MYH1: variants seen among roughly 807,000 people sequenced by gnomAD.
The protein encoded by MYH1 is myosin heavy chain 1, also known as myosin-1.
A neutral mutation model predicts 225.6 loss-of-function variants in MYH1; 214 were observed. That is an observed-to-expected ratio of 0.95 (90% CI 0.85 to 1.06). The LOEUF is 1.06. MYH1 is among the 50% of genes least tolerant of loss of function. The pLI is 0.00. For missense variants in MYH1, 2,098 were observed against 2,344.2 expected, an observed-to-expected ratio of 0.89 and a Z score of 2.17; for synonymous variants, 774 against 842.3, an observed-to-expected ratio of 0.92 and a Z score of 1.40.
chr17:10,495,972 C>T lies in MYH1; in HGVS notation c.5147G>A (p.Arg1716His), dbSNP rs192471819. ...CACCTGGGTGTGCAGGAGCTGAACA[C>T]GCTCACTGGCATCCAGGAGCTCCTG... is the stretch of plus-strand genomic sequence containing the variant. ...AEQELLDASERVQLLHTQNTS... is the reference protein window; with the variant it reads ...AEQELLDASEHVQLLHTQNTS... The change falls in exon 35 of 40, where the codon CGT (arginine) becomes CAT (histidine). Residue 1716 changes from arginine (R) to histidine (H), a missense_variant. Physicochemically the swap from Arg to His is conservative, Grantham distance 29. Coordinates refer to ENST00000226207, the MANE Select transcript of MYH1 (RefSeq NM_005963.4). 118 of 1,614,030 alleles carry T rather than the reference C, an allele frequency of 7.3e-5. 2 individuals are homozygous for T. In the Admixed American group the frequency reaches 1.7e-3, roughly 23 times the overall value.
intron 5 of MYH1, 136 bp downstream of exon 5, chr17:10,515,790 C>T: frequency 1.4e-6 from 2 of 1,442,366 alleles, no homozygotes; most frequent in Non-Finnish European, 1.9e-6. Context: ...GTATATACTT[C>T]TCTGTGCTTT....
Position 10,501,498 on chromosome 17 carries a change from G to A in MYH1, c.3350C>T (p.Ala1117Val), listed in dbSNP as rs1197892344. ...QLQKKIKELQ[A>V]RIEELEEEIE... is the part of the protein sequence containing the mutation. ...TTCCTCCTCCAGCTCCTCAATGCGG[G>A]CCTGGGAATGGTGAAAAATATTAAT... The change falls in exon 27 of 40, where the codon GCC (alanine) becomes GTC (valine). Residue 1117 changes from alanine (A) to valine (V), a missense_variant and splice_region_variant. By Grantham distance (64) the Ala-to-Val change is moderately conservative. Transcript: ENST00000226207. The A allele has an allele frequency of 1.9e-6, 3 of 1,614,206 alleles. No homozygotes were observed. The highest frequency in any genetic ancestry group is 2.2e-5 in the South Asian group (2 of 91,080).
chr17:10,501,254 C>G lies in MYH1; in HGVS notation c.3594G>C (p.Lys1198Asn). 1 of 1,614,230 alleles carries G rather than the reference C, an allele frequency of 6.2e-7. No homozygotes were observed. ...GCTCGGCCACACTATCTGCATGCTT[C>G]TTCCTCAGGGTGGCCGCCGTGGCTT... ...QHEATAATLR[K>N]KHADSVAELG... The change falls in exon 27 of 40, where the codon AAG (lysine) becomes AAC (asparagine). Residue 1198 changes from lysine (K) to asparagine (N), a missense_variant. By Grantham distance (94) the Lys-to-Asn change is moderately conservative. Coordinates refer to ENST00000226207, the MANE Select transcript of MYH1 (RefSeq NM_005963.4).
At chr17:10,498,162 T>C (rs1430017359) in intron 30 of MYH1, among the ~76,000 whole-genome samples, 1 of 152,274 alleles carries the variant, frequency 6.6e-6, no homozygotes, top group Non-Finnish European at 1.5e-5. Context: ...AAGCATGAGC[T>C]AACACTTTAC....
At chr17:10,516,365 C>T (rs879187406) in intron 3 of MYH1, 23 bp from the exon 4 acceptor site, 1 of 1,614,078 alleles carries the variant, frequency 6.2e-7, no homozygotes, top group Non-Finnish European at 8.5e-7. Context: ...ACAAGAGAGG[C>T]CAGATCAAAA....
At chr17:10,496,203 C>T (rs186198269) in intron 34 of MYH1, 38 bp downstream of exon 34, 4 of 1,614,114 alleles carry the variant, frequency 2.5e-6, no homozygotes, top group Non-Finnish European at 3.4e-6. Context: ...GTTGCAGGCA[C>T]CCCAATTGTC....
chr17:10,516,894 T>C (rs1279764658), intron 2 of MYH1, among the ~76,000 whole-genome samples: 1 of 152,214 alleles, frequency 6.6e-6, no homozygotes, highest in African/African-American at 2.4e-5. Context: ...AAAGAGACTG[T>C]TGTTTCTGGC....
In MYH1 at chr17:10,497,108, T is replaced by C; in HGVS notation, c.4617A>G (p.Gln1539=). ...ELEKIKKQVE[Q]EKSELQAALE... The stretch of plus-strand genomic sequence containing the variant: ...AGGCAGCCTGAAGTTCAGACTTTTC[T>C]TGCTCAACTTGCTTCTTTATTTTTT... Residue 1539 remains glutamine, a synonymous_variant, in exon 33 of 40, where the codon CAA becomes CAG. Transcript: ENST00000226207. 1 of 1,614,144 alleles carries C rather than the reference T, an allele frequency of 6.2e-7. No individual in the cohort carries two copies. The highest frequency in any genetic ancestry group is 1.1e-5 in the South Asian group (1 of 91,068).
chr17:10,492,619 T>G, intron 39 of MYH1, 51 bp from the exon 40 acceptor site: 2 of 1,549,902 alleles, frequency 1.3e-6, no homozygotes, highest in Non-Finnish European at 1.7e-6. Context: ...ATTTTTCCAT[T>G]CTTAGGTCAG....
intron 19 of MYH1, 71 bp from the exon 20 acceptor site, chr17:10,505,582 A>G (rs1340131066): frequency 3.2e-6 from 5 of 1,556,452 alleles, no homozygotes; most frequent in South Asian, 1.2e-5. Flanking sequence ...TGGCTATAGA[A>G]ACAACATAGC....
intron 35 of MYH1, 27 bp from the exon 36 acceptor site, chr17:10,495,344 A>G: frequency 6.2e-7 from 1 of 1,613,584 alleles, no homozygotes; most frequent in South Asian, 1.1e-5. Flanking sequence ...ATTTAGAAAT[A>G]TTAGGCACAT....
intron 20 of MYH1, 30 bp downstream of exon 20, chr17:10,505,358 T>C (rs1308511534): frequency 3.1e-6 from 5 of 1,614,100 alleles, no homozygotes; most frequent in Non-Finnish European, 4.2e-6. Flanking sequence ...GGGACAGGAA[T>C]AGCATCAGGT....
intron 15 of MYH1, 118 bp from the exon 16 acceptor site, chr17:10,508,790 G>A (rs948459201): frequency 1.6e-5 from 23 of 1,401,426 alleles, no homozygotes; most frequent in African/African-American, 7.2e-5. Context: ...CAGAGTTAAC[G>A]AAAACTCGTT....
In MYH1 at chr17:10,494,460, G is replaced by A. The variant is rs2072966515; in HGVS notation, c.5572-11C>T. ...GCGGTCTTCCTCAGTCTGAAATAAT[G>A]TTTTCAAGAGTAAGTTTCTTGAAAG... is the stretch of plus-strand genomic sequence containing the variant. On this transcript the variant is annotated splice_polypyrimidine_tract_variant and intron_variant, in intron 38 of 39. Coordinates refer to ENST00000226207, the MANE Select transcript of MYH1 (RefSeq NM_005963.4). 1 of 1,611,992 alleles carries A rather than the reference G, an allele frequency of 6.2e-7. No homozygotes were observed. The highest frequency in any genetic ancestry group is 8.5e-7 in the Non-Finnish European group (1 of 1,179,340).
chr17:10,516,367 A>G (rs1304000099), intron 3 of MYH1, 25 bp from the exon 4 acceptor site: 1 of 1,614,184 alleles, frequency 6.2e-7, no homozygotes, highest in East Asian at 2.2e-5. Flanking sequence ...AAGAGAGGCC[A>G]GATCAAAAAG....
chr17:10,512,219 A>C (rs1310248594), intron 12 of MYH1, 27 bp from the exon 13 acceptor site: 1 of 1,605,230 alleles, frequency 6.2e-7, no homozygotes, highest in African/African-American at 1.3e-5. Flanking sequence ...CAGATACCTA[A>C]TATGACTTAC....
Position 10,514,117 on chromosome 17 carries a change from A to T in MYH1, c.541T>A (p.Ser181Thr), listed in dbSNP as rs758617436. The T allele has an allele frequency of 2.5e-6, 4 of 1,614,136 alleles. No homozygotes were observed. The East Asian group carries it at 8.9e-5, about 36-fold the overall frequency. Residue 181 changes from serine to threonine, a missense_variant, in exon 7 of 40, where the codon TCT (serine) becomes ACT (threonine). Ser to Thr is a moderately conservative substitution (Grantham distance 58). Coordinates refer to ENST00000226207, the MANE Select transcript of MYH1 (RefSeq NM_005963.4). ...ENQSILITGE[S>T]GAGKTVNTKR... ...GTGTTCACAGTCTTCCCTGCGCCAG[A>T]TTCTCCGCTGTCAAAGACCAAACGT...
rs150346984 is a variant in MYH1 at position 10,507,936 on chromosome 17, C to T, written c.1918G>A (p.Gly640Ser). The change falls in exon 17 of 40, where the codon GGT becomes AGT. Residue 640 changes from glycine to serine, a missense_variant. Physicochemically the swap from Gly to Ser is moderately conservative, Grantham distance 56. Coordinates refer to ENST00000226207, the MANE Select transcript of MYH1 (RefSeq NM_005963.4). ...AEAEAGGGKK[G>S]GKKKGSSFQT... Reference sequence around the variant, plus strand: ...AAAGAAGAACCCTTCTTCTTACCACCTTTCTTTCCACCGCCAGCCTCTGAG... The same window carrying T: ...AAAGAAGAACCCTTCTTCTTACCACTTTTCTTTCCACCGCCAGCCTCTGAG... 5.1e-3 allele frequency: 8,226 copies of T among 1,613,578 alleles called. 42 individuals carry two copies. Among genetic ancestry groups the T allele is most frequent in the Non-Finnish European group, 6.1e-3 (7,145 of 1,179,726 alleles).
chr17:10,501,623 G>A lies in MYH1; in HGVS notation c.3319C>T (p.Gln1107Ter). 4 of 1,614,202 alleles carry A rather than the reference G, an allele frequency of 2.5e-6. No individual in the cohort carries two copies. The highest frequency in any genetic ancestry group is 3.4e-6 in the Non-Finnish European group (4 of 1,180,030). Residue 1107 changes from glutamine to a stop codon, truncating the protein, a stop_gained, in exon 26 of 40, where the codon CAG (glutamine) becomes TAG (stop). Coordinates refer to ENST00000226207, the MANE Select transcript of MYH1 (RefSeq NM_005963.4). LOFTEE classifies it high-confidence loss of function. ...AACTCCTTGATTTTCTTCTGCAGCT[G>A]CATACCAAGGGCTTGTTCATCTTCA... Reference protein sequence around the residue: ...KIEDEQALGMQLQKKIKELQA... With the variant: ...KIEDEQALGM
Sources: allele counts gnomAD v4.1 joint callset (sites outside exome capture counted in the v4.1 genomes callset), GRCh38; gene constraint gnomAD v4.1.1; transcripts MANE v1.5; gene names NCBI Gene and HGNC (gene_info 2026-07-23, HGNC 2026-07-21).